The following EYA2 variants were observed in gnomAD, a reference collection of about 807,000 sequenced individuals.
The protein encoded by EYA2 is EYA transcriptional coactivator and phosphatase 2.
A neutral mutation model predicts 69.2 loss-of-function variants in EYA2; 31 were observed. That is an observed-to-expected ratio of 0.45 (90% CI 0.34 to 0.60). The LOEUF is 0.60. EYA2 is among the 20% of genes least tolerant of loss of function. The pLI, the probability that EYA2 is intolerant of heterozygous loss-of-function variation, is 0.02. For missense variants in EYA2, 622 were observed against 701.2 expected, an observed-to-expected ratio of 0.89 and a Z score of 1.28; for synonymous variants, 257 against 279.4, an observed-to-expected ratio of 0.92 and a Z score of 0.80.
intron 13 of EYA2, among the ~76,000 whole-genome samples, chr20:47,180,602 T>C (rs1294323008): frequency 6.6e-6 from 1 of 152,186 alleles, no homozygotes; most frequent in Non-Finnish European, 1.5e-5. Context: ...ATAAGAAAAG[T>C]ATTCCCCCCA....
intron 1 of EYA2, among the ~76,000 whole-genome samples, chr20:46,952,519 T>C (rs1444187633): frequency 1.3e-5 from 2 of 152,212 alleles, no homozygotes; most frequent in Non-Finnish European, 2.9e-5. Flanking sequence ...ACCTCCTTTG[T>C]GCAGCTCTGT....
At chr20:47,056,364 GT>G (rs78758372) in intron 5 of EYA2, among the ~76,000 whole-genome samples, 2,377 of 141,544 alleles carry the variant, frequency 0.017, 36 homozygotes, top group African/African-American at 0.04. Context: ...TATCCAAATT[GT>G]TTTTTTTTTT....
rs925840826 is a variant in EYA2, at chr20:47,007,071, A to C, written c.298+1987A>C. 3.9e-5 allele frequency among the ~76,000 whole-genome samples: 6 copies of C among 152,138 alleles called. No individual in the cohort carries two copies. In the Middle Eastern group the frequency reaches 9.5e-3, roughly 241 times the overall value. On this transcript the variant is annotated intron_variant, in intron 4 of 15. Coordinates refer to ENST00000327619, the MANE Select transcript of EYA2 (RefSeq NM_005244.5). ...CAGCCTCCCAAATAGCTCAGACTAC[A>C]GGCATACGCTACTGCGCCCTGCTAA... is the stretch of plus-strand genomic sequence containing the variant.
At chr20:47,003,356 G>A (rs887508244) in intron 3 of EYA2, among the ~76,000 whole-genome samples, 5 of 152,256 alleles carry the variant, frequency 3.3e-5, no homozygotes, top group African/African-American at 4.8e-5. Flanking sequence ...TGCCTGGCAC[G>A]TAGGCATGAG....
intron 1 of EYA2, among the ~76,000 whole-genome samples, chr20:46,904,456 C>T (rs181683431): frequency 1.4e-3 from 212 of 152,072 alleles, no homozygotes; most frequent in Non-Finnish European, 1.6e-3. Context: ...TGGGCTCAGA[C>T]CAAATTTTTA....
chr20:47,003,024 T>G (rs1982476760), intron 3 of EYA2, among the ~76,000 whole-genome samples: 1 of 152,200 alleles, frequency 6.6e-6, no homozygotes, highest in Admixed American at 6.5e-5. Context: ...TTAGCAAAAG[T>G]GATGTAACCA....
chr20:46,983,847 G>A (rs1296716043), intron 1 of EYA2, among the ~76,000 whole-genome samples: 1 of 152,106 alleles, frequency 6.6e-6, no homozygotes, highest in African/African-American at 2.4e-5. Context: ...AAAATTGATA[G>A]AGGTCAAACT....
chr20:47,090,195 C>T (rs1243556194), intron 8 of EYA2, among the ~76,000 whole-genome samples: 1 of 150,454 alleles, frequency 6.6e-6, no homozygotes, highest in Admixed American at 6.6e-5. Context: ...GTGTGCAGCT[C>T]AGGCTGAGAA....
Position 47,033,325 on chromosome 20 carries a change from C to T in EYA2, c.415+17028C>T, listed in dbSNP as rs146085687. Among the ~76,000 whole-genome samples, 590 of 152,312 alleles carry T rather than the reference C, an allele frequency of 3.9e-3. 7 individuals carry two copies. Among genetic ancestry groups the T allele is most frequent in the African/African-American group, 0.013 (555 of 41,564 alleles). ...CAGTCCAAATAGGAAAAACTTCAGGCTTTGCAGGCTATACAGTCTCTGTTG... is the reference window on the plus strand; with the variant it reads ...CAGTCCAAATAGGAAAAACTTCAGGTTTTGCAGGCTATACAGTCTCTGTTG... On this transcript the variant is annotated intron_variant, in intron 5 of 15. Coordinates refer to ENST00000327619, the MANE Select transcript of EYA2 (RefSeq NM_005244.5).
At chr20:46,988,755 G>A (rs543619711) in intron 1 of EYA2, among the ~76,000 whole-genome samples, 1 of 152,158 alleles carries the variant, frequency 6.6e-6, no homozygotes, top group Non-Finnish European at 1.5e-5. Flanking sequence ...AGGCTGGAAG[G>A]CAGTGGCACG....
At chr20:47,093,249 AGTTT>A (rs1053043107) in intron 8 of EYA2, among the ~76,000 whole-genome samples, 5 of 152,122 alleles carry the variant, frequency 3.3e-5, no homozygotes, top group East Asian at 1.9e-4. Context: ...GTAAAGTGTT[AGTTT>A]GTTTGTATCT....
At chr20:47,020,412 G>T (rs1364194777) in intron 5 of EYA2, among the ~76,000 whole-genome samples, 2 of 152,154 alleles carry the variant, frequency 1.3e-5, no homozygotes. Flanking sequence ...TACAATAAAT[G>T]TAAAAGAAAA....
At chr20:47,101,387 A>G (rs554318168) in intron 9 of EYA2, among the ~76,000 whole-genome samples, 1 of 152,300 alleles carries the variant, frequency 6.6e-6, no homozygotes, top group African/African-American at 2.4e-5. Context: ...ACACCCAGCA[A>G]GCCCCACTTT....
chr20:46,964,735 A>G (rs2425921), intron 1 of EYA2, among the ~76,000 whole-genome samples: 146,340 of 152,284 alleles, frequency 0.96, 70,560 homozygotes, highest in East Asian at 1. Flanking sequence ...AACTGAGACC[A>G]AGAAAGGATG....
At chr20:47,146,800 C>T (rs2033711734) in intron 10 of EYA2, among the ~76,000 whole-genome samples, 1 of 152,212 alleles carries the variant, frequency 6.6e-6, no homozygotes, top group African/African-American at 2.4e-5. Flanking sequence ...TCCAGCAGCG[C>T]TTTATGAAGG....
At chr20:47,028,320 A>G (rs1386085226) in intron 5 of EYA2, among the ~76,000 whole-genome samples, 1 of 152,262 alleles carries the variant, frequency 6.6e-6, no homozygotes, top group Non-Finnish European at 1.5e-5. Context: ...AGCAGCCTGC[A>G]CTAAGACAGT....
rs573281060 is a variant in EYA2, at chr20:46,906,969, A to G, written c.-11+11982A>G. 1.8e-4 allele frequency among the ~76,000 whole-genome samples: 28 copies of G among 152,354 alleles called. No individual in the cohort carries two copies. The South Asian group carries it at 5.8e-3, about 32-fold the overall frequency. ...GCGTATTCCATTATCTTTAGGGTAC[A>G]GTACACTACAGAAGCCAGTCTCTCC... is the stretch of plus-strand genomic sequence containing the variant. On this transcript the variant is annotated intron_variant, in intron 1 of 15. Coordinates refer to ENST00000327619, the MANE Select transcript of EYA2 (RefSeq NM_005244.5).
At chr20:46,986,751 T>A (rs1981247726) in intron 1 of EYA2, among the ~76,000 whole-genome samples, 2 of 152,038 alleles carry the variant, frequency 1.3e-5, no homozygotes, top group Non-Finnish European at 2.9e-5. Flanking sequence ...CCGACTCTTT[T>A]AAACAACTAG....
chr20:46,990,398 C>T (rs191818714), intron 2 of EYA2, among the ~76,000 whole-genome samples: 2 of 152,306 alleles, frequency 1.3e-5, no homozygotes, highest in East Asian at 3.9e-4. Flanking sequence ...ATGATAGTCA[C>T]TTTGGGGCGT....
Sources: allele counts gnomAD v4.1 joint callset (sites outside exome capture counted in the v4.1 genomes callset), GRCh38; gene constraint gnomAD v4.1.1; transcripts MANE v1.5; gene names NCBI Gene and HGNC (gene_info 2026-07-23, HGNC 2026-07-21).